Variants in LRRC72 observed in about 807,000 individuals in gnomAD.
LRRC72 encodes leucine rich repeat containing 72.
A neutral mutation model predicts 35.8 loss-of-function variants in LRRC72; 41 were observed. The observed-to-expected ratio is 1.15, with a 90% confidence interval of 0.89 to 1.49. The LOEUF is 1.49. Ranked by LOEUF, LRRC72 falls within the 40% of genes most tolerant of loss-of-function variation. The pLI is 0.00. For synonymous variants in LRRC72, 118 were observed against 119.2 expected, an observed-to-expected ratio of 0.99 and a Z score of 0.07; for missense variants, 389 against 330.7, an observed-to-expected ratio of 1.18 and a Z score of -1.37.
rs182880675 is a variant in LRRC72, at chr7:16,543,399, A to T, written c.234+5703A>T. Among the ~76,000 whole-genome samples the T allele has an allele frequency of 2.5e-3, 385 of 152,322 alleles. 2 individuals are homozygous for T. The highest frequency in any genetic ancestry group is 8.9e-3 in the African/African-American group (368 of 41,562). On this transcript the variant is annotated intron_variant, in intron 3 of 8. Transcript: ENST00000401542. ...TTAGGAATAAATAAGGCAAAAGGAGAAAAATAAAGGGAATGCATTTTTTTT... is the reference window on the plus strand; with the variant it reads ...TTAGGAATAAATAAGGCAAAAGGAGTAAAATAAAGGGAATGCATTTTTTTT...
intron 5 of LRRC72, among the ~76,000 whole-genome samples, chr7:16,564,125 T>C (rs1782787318): frequency 6.6e-6 from 1 of 152,114 alleles, no homozygotes; most frequent in Non-Finnish European, 1.5e-5. Context: ...TTGAAAGATG[T>C]TGGTATATTT....
chr7:16,538,065 A>G (rs1263756517), intron 3 of LRRC72, among the ~76,000 whole-genome samples: 3 of 152,198 alleles, frequency 2.0e-5, no homozygotes, highest in African/African-American at 7.2e-5. Context: ...CTTACAGCCC[A>G]TTGAGTCATA....
chr7:16,561,308 A>G (rs1019025), intron 5 of LRRC72, among the ~76,000 whole-genome samples: 6 of 152,332 alleles, frequency 3.9e-5, no homozygotes, highest in African/African-American at 1.4e-4. Context: ...TAATTTAAGG[A>G]AACTTGTTAT....
At chr7:16,527,153 G>A in intron 1 of LRRC72, 111 bp downstream of exon 1, 1 of 783,536 alleles carries the variant, frequency 1.3e-6, no homozygotes, top group Non-Finnish European at 2.1e-6. Flanking sequence ...GGGAATTTCA[G>A]TAGCCTGAAG....
intron 3 of LRRC72, among the ~76,000 whole-genome samples, chr7:16,546,929 T>C (rs1782453158): frequency 1.3e-5 from 2 of 152,314 alleles, no homozygotes; most frequent in East Asian, 1.9e-4. Flanking sequence ...CTGGAGCAGT[T>C]GCTGCCATTA....
In LRRC72 at chr7:16,566,310, C is replaced by T. The variant is rs1431021651; in HGVS notation, c.428-3C>T. On this transcript the variant is annotated splice_region_variant and splice_polypyrimidine_tract_variant and intron_variant, in intron 5 of 8. Coordinates refer to ENST00000401542, the MANE Select transcript of LRRC72 (RefSeq NM_001195280.2). Reference sequence around the variant, plus strand: ...ATTTTTATTTTGGATTCTTCATTTGCAGGTCTATACCAAAATCCTTTGTGC... The same window carrying T: ...ATTTTTATTTTGGATTCTTCATTTGTAGGTCTATACCAAAATCCTTTGTGC... 1.3e-6 allele frequency: 2 copies of T among 1,509,582 alleles called. No individual in the cohort carries two copies. The highest frequency in any genetic ancestry group is 1.7e-4 in the Middle Eastern group (1 of 5,852). The allele number at this position is 1,509,582 out of a possible 1,614,324, so 93.5% of individuals were successfully genotyped here. A position where few individuals can be genotyped will look rare whatever the true frequency, so the allele number is the denominator to read the frequency against.
At chr7:16,541,712 G>A (rs532397833) in intron 3 of LRRC72, among the ~76,000 whole-genome samples, 1 of 152,208 alleles carries the variant, frequency 6.6e-6, no homozygotes, top group East Asian at 1.9e-4. Flanking sequence ...AGCAGTTCAA[G>A]ACCAGCCTGG....
chr7:16,562,289 C>G (rs1782756592), intron 5 of LRRC72, among the ~76,000 whole-genome samples: 1 of 152,164 alleles, frequency 6.6e-6, no homozygotes, highest in African/African-American at 2.4e-5. Flanking sequence ...TCAGAATCCA[C>G]ATGTGTCAAA....
intron 6 of LRRC72, among the ~76,000 whole-genome samples, chr7:16,566,631 C>T (rs1782849377): frequency 6.6e-6 from 1 of 152,166 alleles, no homozygotes; most frequent in African/African-American, 2.4e-5. Context: ...GAAAGGCCCT[C>T]TAACTGAGCT....
At position 16,546,959 on chromosome 7, in the gene LRRC72, G is replaced by A. The variant is rs78412550; in HGVS notation, c.234+9263G>A. Among the ~76,000 whole-genome samples the A allele has an allele frequency of 4.8e-3, 733 of 152,288 alleles. 9 individuals are homozygous for A. The highest frequency in any genetic ancestry group is 0.017 in the African/African-American group (703 of 41,554). On this transcript the variant is annotated intron_variant, in intron 3 of 8. Transcript: ENST00000401542. ...CCATTATACCAGCTGCAGCAGGGAG[G>A]TATGGACAGTGGCAGCAGGAGCAGC...
rs967250337 is a variant in LRRC72, at chr7:16,552,657, A to G, written c.235-4703A>G. On this transcript the variant is annotated intron_variant, in intron 3 of 8. Coordinates refer to ENST00000401542, the MANE Select transcript of LRRC72 (RefSeq NM_001195280.2). ...ACCACCTAAGAGGTGGGGAAAACAT[A>G]GGACAGTTCCTGGAACTCAAAACTA... 3.9e-5 allele frequency among the ~76,000 whole-genome samples: 6 copies of G among 152,196 alleles called. 1 individual carries two copies. The highest frequency in any genetic ancestry group is 1.4e-4 in the African/African-American group (6 of 41,450).
intron 1 of LRRC72, among the ~76,000 whole-genome samples, chr7:16,528,121 A>G (rs1429726232): frequency 6.6e-6 from 1 of 152,170 alleles, no homozygotes; most frequent in Non-Finnish European, 1.5e-5. Flanking sequence ...AGCCAAAACA[A>G]TGTTGTAGAT....
chr7:16,569,882 T>C (rs919873424), intron 7 of LRRC72, among the ~76,000 whole-genome samples: 1 of 151,558 alleles, frequency 6.6e-6, no homozygotes, highest in African/African-American at 2.4e-5. Flanking sequence ...AATGCAAAAA[T>C]TATCTGGGTG....
chr7:16,559,020 A>G lies in LRRC72; in HGVS notation c.427+21A>G, dbSNP rs1246342279. 29 of 1,371,350 alleles carry G rather than the reference A, an allele frequency of 2.1e-5. No homozygotes were observed. The East Asian group carries it at 6.6e-4, about 31-fold the overall frequency. 84.9% of individuals were successfully genotyped at this position (1,371,350 alleles called of 1,614,324 possible). A position where few individuals can be genotyped will look rare whatever the true frequency, so the allele number is the denominator to read the frequency against. Reference sequence around the variant, plus strand: ...CCTAAGTAACAATTTGCAATTTTATATGGCCATAAGTTAAAATAGTATTAA... The same window carrying G: ...CCTAAGTAACAATTTGCAATTTTATGTGGCCATAAGTTAAAATAGTATTAA... On this transcript the variant is annotated intron_variant, in intron 5 of 8. Transcript: ENST00000401542.
intron 3 of LRRC72, among the ~76,000 whole-genome samples, chr7:16,548,996 G>A (rs1044851524): frequency 2.6e-5 from 4 of 152,018 alleles, no homozygotes; most frequent in African/African-American, 7.2e-5. Flanking sequence ...TGTTCCCCTC[G>A]AACTTAGCAC....
rs181521682 is a variant in LRRC72 at position 16,542,910 on chromosome 7, T to C, written c.234+5214T>C. Among the ~76,000 whole-genome samples the C allele has an allele frequency of 9.8e-5, 15 of 152,338 alleles. No homozygotes were observed. The East Asian group carries it at 2.9e-3, about 29-fold the overall frequency. On this transcript the variant is annotated intron_variant, in intron 3 of 8. Transcript: ENST00000401542. ...CATTTCTAAAATCACTATCACTTAATTTGTTCTTTATGAAAGAGACTGGTT... is the reference window on the plus strand; with the variant it reads ...CATTTCTAAAATCACTATCACTTAACTTGTTCTTTATGAAAGAGACTGGTT...
chr7:16,573,542 A>G (rs1782985105), intron 7 of LRRC72, among the ~76,000 whole-genome samples: 1 of 152,200 alleles, frequency 6.6e-6, no homozygotes, highest in South Asian at 2.1e-4. Flanking sequence ...TGACAAACAC[A>G]AGCAATGGGG....
At chr7:16,553,317 T>C (rs1377874859) in intron 3 of LRRC72, among the ~76,000 whole-genome samples, 1 of 152,220 alleles carries the variant, frequency 6.6e-6, no homozygotes, top group Non-Finnish European at 1.5e-5. Flanking sequence ...GGGAGTCAGA[T>C]AGACTTGGGT....
chr7:16,541,122 C>G (rs1012202925), intron 3 of LRRC72, among the ~76,000 whole-genome samples: 3 of 152,128 alleles, frequency 2.0e-5, no homozygotes, highest in Non-Finnish European at 2.9e-5. Context: ...AAAGCTTTAT[C>G]CAAGCAAAAG....
Sources: allele counts gnomAD v4.1 joint callset (sites outside exome capture counted in the v4.1 genomes callset), GRCh38; gene constraint gnomAD v4.1.1; transcripts MANE v1.5; gene names NCBI Gene and HGNC (gene_info 2026-07-23, HGNC 2026-07-21).